Variants in STK32B observed in about 807,000 individuals in gnomAD.
STK32B encodes serine/threonine kinase 32B, also known as serine/threonine-protein kinase 32B.
In STK32B, 43 loss-of-function variants were observed where a neutral mutation model predicts 52.6. The observed-to-expected ratio is 0.82, with a 90% CI of 0.64 to 1.05. STK32B has a LOEUF of 1.05. Among genes scored for constraint, STK32B ranks in the 50% least tolerant of loss-of-function variants. The pLI, the probability that STK32B is intolerant of heterozygous loss-of-function variation, is 0.00. For synonymous variants in STK32B, 238 were observed against 204.3 expected, an observed-to-expected ratio of 1.17 and a Z score of -1.41; for missense variants, 621 against 534.6, an observed-to-expected ratio of 1.16 and a Z score of -1.59.
At chr4:5,345,621 A>T (rs551158865) in intron 4 of STK32B, among the ~76,000 whole-genome samples, 1 of 152,350 alleles carries the variant, frequency 6.6e-6, no homozygotes, top group South Asian at 2.1e-4. Flanking sequence ...CCCATTTTAC[A>T]GGTGAGACCA....
intron 6 of STK32B, among the ~76,000 whole-genome samples, chr4:5,426,710 A>AAAAAAAAAAAGG (rs1713138322): frequency 5.3e-5 from 8 of 149,646 alleles, no homozygotes; most frequent in Non-Finnish European, 5.9e-5. Context: ...AAAAAAAAAA[A>AAAAAAAAAAAGG]AAAAGGAAAA....
chr4:5,085,817 C>T (rs1560143649), intron 1 of STK32B, among the ~76,000 whole-genome samples: 1 of 152,160 alleles, frequency 6.6e-6, no homozygotes, highest in South Asian at 2.1e-4. Context: ...TCTCATTCCC[C>T]ATTTACTATC....
At chr4:5,304,354 A>C (rs1729776019) in intron 3 of STK32B, among the ~76,000 whole-genome samples, 1 of 151,512 alleles carries the variant, frequency 6.6e-6, no homozygotes, top group Non-Finnish European at 1.5e-5. Flanking sequence ...TTTCTTTCAG[A>C]AGTGTTTCTA....
rs1742089967 is a variant in STK32B at position 5,058,441 on chromosome 4, G to C, written c.52+6526G>C. Among the ~76,000 whole-genome samples, 2 of 152,186 alleles carry C rather than the reference G, an allele frequency of 1.3e-5. No homozygotes were observed. The highest frequency in any genetic ancestry group is 4.8e-5 in the African/African-American group (2 of 41,458). ...AGCAACCACAGTGATCTACATGGTG[G>C]AACTTATTTCAGTCTGGTTCCCAGA... On this transcript the variant is annotated intron_variant, in intron 1 of 11. Transcript: ENST00000282908. The surrounding 1 kb of genome is among the most constrained non-coding windows in gnomAD (Gnocchi z 4.8).
At chr4:5,195,599 A>G (rs1446190580) in intron 3 of STK32B, among the ~76,000 whole-genome samples, 1 of 152,190 alleles carries the variant, frequency 6.6e-6, no homozygotes, top group Non-Finnish European at 1.5e-5. Flanking sequence ...AGACTGAGGC[A>G]GGAGAATCGC....
At chr4:5,305,854 C>T (rs937711878) in intron 3 of STK32B, among the ~76,000 whole-genome samples, 1 of 152,030 alleles carries the variant, frequency 6.6e-6, no homozygotes, top group Non-Finnish European at 1.5e-5. Context: ...TATGAGCTTT[C>T]CTCTTAGCAC....
intron 3 of STK32B, among the ~76,000 whole-genome samples, chr4:5,184,209 C>G (rs1055936946): frequency 1.3e-5 from 2 of 152,116 alleles, no homozygotes; most frequent in African/African-American, 4.8e-5. Flanking sequence ...AGGAATCTTC[C>G]TTTCACTTGA....
chr4:5,306,926 G>A (rs1729962085), intron 3 of STK32B, among the ~76,000 whole-genome samples: 2 of 152,022 alleles, frequency 1.3e-5, no homozygotes, highest in South Asian at 4.2e-4. Flanking sequence ...AAAATTCTTG[G>A]CTGAAAACTG....
chr4:5,310,022 C>T (rs374124871), intron 3 of STK32B, among the ~76,000 whole-genome samples: 39 of 152,054 alleles, frequency 2.6e-4, no homozygotes, highest in African/African-American at 7.7e-4. Flanking sequence ...AAAAATTAGC[C>T]GGGCGTGGTG....
At chr4:5,060,574 A>T (rs1742180278) in intron 1 of STK32B, among the ~76,000 whole-genome samples, 1 of 146,438 alleles carries the variant, frequency 6.8e-6, no homozygotes, top group Non-Finnish European at 1.5e-5. Context: ...TTTGAGATGG[A>T]GCCTTAGATC....
chr4:5,038,560 A>T, the STK32B span, among the ~76,000 whole-genome samples: 174 of 152,372 alleles, frequency 1.1e-3, no homozygotes, highest in African/African-American at 4.0e-3. Flanking sequence ...TGTACTGAAC[A>T]CCATAGGCAA....
At chr4:5,066,249 A>G (rs138535633) in intron 1 of STK32B, among the ~76,000 whole-genome samples, 207 of 152,126 alleles carry the variant, frequency 1.4e-3, no homozygotes, top group African/African-American at 4.7e-3. Flanking sequence ...TATCCCCACA[A>G]ATCCAATTAA....
chr4:5,316,692 ATATCATATTATAATATATAAT>A lies in STK32B; in HGVS notation c.261-14527_261-14507del, dbSNP rs1465003348. 4.4e-3 allele frequency among the ~76,000 whole-genome samples: 5 copies of A among 1,146 alleles called. 2 individuals carry two copies. The highest frequency in any genetic ancestry group is 0.053 in the Admixed American group (2 of 38). The allele number at this position is 1,146 out of a possible 152,430, so 0.8% of individuals were successfully genotyped here. On this transcript the variant is annotated intron_variant, in intron 3 of 11. Transcript: ENST00000282908. ...TTATATATATAATATAATATAATATATATCATATTATAATATATAATATAATAATATATTATATAATATCTT... is the reference window on the plus strand; with the variant it reads ...TTATATATATAATATAATATAATATAATAATAATATATTATATAATATCTT...
Position 5,468,580 on chromosome 4 carries a change from G to A in STK32B, c.1106+510G>A, listed in dbSNP as rs554317759. Among the ~76,000 whole-genome samples the A allele has an allele frequency of 1.2e-4, 19 of 152,286 alleles. No individual in the cohort carries two copies. In the East Asian group the frequency reaches 1.4e-3, roughly 11 times the overall value. On this transcript the variant is annotated intron_variant, in intron 11 of 11. Coordinates refer to ENST00000282908, the MANE Select transcript of STK32B (RefSeq NM_018401.3). ...GTTCTCAACACGGCAAGGTAATGAC[G>A]ATTGTTACTAATATTTACTTGGGTA...
chr4:5,188,089 G>A (rs1398763149), intron 3 of STK32B, among the ~76,000 whole-genome samples: 1 of 152,152 alleles, frequency 6.6e-6, no homozygotes, highest in African/African-American at 2.4e-5. Flanking sequence ...AAGCCCTGTG[G>A]AAAAGATAAT....
At chr4:5,198,013 TGTTA>T (rs569305054) in intron 3 of STK32B, among the ~76,000 whole-genome samples, 42 of 152,166 alleles carry the variant, frequency 2.8e-4, no homozygotes, top group Non-Finnish European at 5.1e-4. Context: ...TTTTTCTGCA[TGTTA>T]GTTTTTCTTC....
At chr4:5,052,773 G>GC in intron 1 of STK32B, among the ~76,000 whole-genome samples, 1 of 152,166 alleles carries the variant, frequency 6.6e-6, no homozygotes, top group Non-Finnish European at 1.5e-5. Context: ...TATGTTAAGA[G>GC]CCCTCTGCCT....
At chr4:5,444,857 G>C (rs1715237429) in intron 6 of STK32B, among the ~76,000 whole-genome samples, 1 of 152,204 alleles carries the variant, frequency 6.6e-6, no homozygotes, top group Admixed American at 6.5e-5. Context: ...AACTCCAGCA[G>C]CACCAGTGGT....
At chr4:5,149,417 C>G (rs1176488459) in intron 2 of STK32B, among the ~76,000 whole-genome samples, 4 of 151,500 alleles carry the variant, frequency 2.6e-5, no homozygotes, top group Non-Finnish European at 5.9e-5. Flanking sequence ...TCTGTTCTTT[C>G]CTGTAGTGCT....
Sources: gnomAD v4.1 joint callset for allele counts (sites outside exome capture counted in the v4.1 genomes callset) on GRCh38, gnomAD v4.1.1 for gene constraint, Gnocchi (gnomAD v3.1) non-coding constraint, MANE v1.5 for transcripts, NCBI Gene and HGNC (gene_info 2026-07-23, HGNC 2026-07-21) for gene names.